MITF: variants seen among roughly 807,000 people sequenced by gnomAD.
MITF encodes the protein microphthalmia-associated transcription factor.
In MITF, 17 loss-of-function variants were observed where a neutral mutation model predicts 60.5. That is an observed-to-expected ratio of 0.28 (90% CI 0.19 to 0.42). The LOEUF (loss-of-function observed/expected upper bound fraction) is 0.42, where lower values mean the gene tolerates loss of function less well. Among genes scored for constraint, MITF ranks in the 10% least tolerant of loss-of-function variants. The pLI is 1.00. For missense variants in MITF, 622 were observed against 683.5 expected (o/e 0.91, Z 1.00); for synonymous variants, 260 against 248.5 (o/e 1.05, Z -0.43).
intron 9 of MITF, among the ~76,000 whole-genome samples, chr3:69,963,116 C>T (rs1465867421): frequency 6.6e-6 from 1 of 152,160 alleles, no homozygotes; most frequent in Non-Finnish European, 1.5e-5. Flanking sequence ...TTTAAAGGCC[C>T]TATCTCCAAA....
chr3:69,949,496 C>T (rs532946088), intron 6 of MITF, among the ~76,000 whole-genome samples: 3 of 152,154 alleles, frequency 2.0e-5, no homozygotes, highest in East Asian at 3.9e-4. Flanking sequence ...TAACTGTCTC[C>T]ACCCTACCTG....
At chr3:69,795,191 T>C (rs2062808263) in intron 1 of MITF, among the ~76,000 whole-genome samples, 1 of 152,218 alleles carries the variant, frequency 6.6e-6, no homozygotes, top group South Asian at 2.1e-4. Flanking sequence ...CTGTTGTAAA[T>C]AGATTTTCTT....
intron 2 of MITF, among the ~76,000 whole-genome samples, chr3:69,927,226 A>G (rs1422880688): frequency 6.6e-6 from 1 of 152,148 alleles, no homozygotes; most frequent in Non-Finnish European, 1.5e-5. Context: ...ATTTACATTA[A>G]TGAACTTTCC....
chr3:69,813,371 A>G (rs1185545012), intron 1 of MITF, among the ~76,000 whole-genome samples: 2 of 152,180 alleles, frequency 1.3e-5, no homozygotes, highest in Non-Finnish European at 2.9e-5. Context: ...CGCTGTTGCA[A>G]TTCTCAGTAC....
At chr3:69,849,264 G>A (rs992170126) in intron 1 of MITF, among the ~76,000 whole-genome samples, 2 of 152,192 alleles carry the variant, frequency 1.3e-5, no homozygotes, top group Non-Finnish European at 2.9e-5. Flanking sequence ...GCGCCCGGCC[G>A]GGCAAAGATT....
At chr3:69,817,637 T>A (rs1266794026) in intron 1 of MITF, among the ~76,000 whole-genome samples, 7 of 152,024 alleles carry the variant, frequency 4.6e-5, no homozygotes, top group Non-Finnish European at 1.0e-4. Flanking sequence ...AGTCTTAAAT[T>A]GAATCCATCA....
intron 1 of MITF, among the ~76,000 whole-genome samples, chr3:69,852,120 T>C (rs745999415): frequency 6.6e-6 from 1 of 152,118 alleles, no homozygotes; most frequent in Non-Finnish European, 1.5e-5. Context: ...AGGAAGATTG[T>C]TAAGAAAGTG....
At chr3:69,952,708 G>A (rs1412718677) in intron 7 of MITF, among the ~76,000 whole-genome samples, 1 of 152,116 alleles carries the variant, frequency 6.6e-6, no homozygotes, top group Non-Finnish European at 1.5e-5. Flanking sequence ...ACCTTTTTCT[G>A]TGTATTAAGA....
chr3:69,756,180 T>G lies in MITF; in HGVS notation c.104+16479T>G, dbSNP rs963141854. Among the ~76,000 whole-genome samples the G allele has an allele frequency of 2.0e-5, 3 of 152,140 alleles. No individual in the cohort carries two copies. The East Asian group carries it at 5.8e-4, about 29-fold the overall frequency. On this transcript the variant is annotated intron_variant, in intron 1 of 9. Transcript: ENST00000352241. ...GTGCAGAATGTGCAGGTTTGTTACA[T>G]AAGTATACATGTGCCATGGTGGTTT...
intron 8 of MITF, among the ~76,000 whole-genome samples, chr3:69,957,743 A>C (rs539358473): frequency 6.6e-6 from 1 of 152,344 alleles, no homozygotes; most frequent in South Asian, 2.1e-4. Context: ...ATGGGGCTGC[A>C]GTGAAAGCCT....
At chr3:69,889,199 A>G (rs1026036773) in intron 2 of MITF, among the ~76,000 whole-genome samples, 2 of 151,880 alleles carry the variant, frequency 1.3e-5, no homozygotes, top group African/African-American at 4.8e-5. Flanking sequence ...CCAGATTCCC[A>G]TTAATGCTAA....
chr3:69,904,165 A>G (rs1220108668), intron 2 of MITF, among the ~76,000 whole-genome samples: 1 of 152,036 alleles, frequency 6.6e-6, no homozygotes, highest in Non-Finnish European at 1.5e-5. Flanking sequence ...TGGGATTTCC[A>G]TTCATTTATT....
chr3:69,867,194 C>G (rs1270439279), intron 1 of MITF, among the ~76,000 whole-genome samples: 1 of 152,044 alleles, frequency 6.6e-6, no homozygotes, highest in Non-Finnish European at 1.5e-5. Context: ...ACTGAACGTT[C>G]CTGGGTCATG....
intron 1 of MITF, among the ~76,000 whole-genome samples, chr3:69,815,577 G>A (rs535273639): frequency 2.0e-4 from 31 of 152,266 alleles, no homozygotes; most frequent in African/African-American, 7.2e-4. Context: ...CACAATAAAT[G>A]TAATATACAA....
At position 69,787,765 on chromosome 3, in the gene MITF, G is replaced by C. The variant is rs187294790; in HGVS notation, c.104+48064G>C. On this transcript the variant is annotated intron_variant, in intron 1 of 9. Transcript: ENST00000352241. ...ATGTTTTAATACATAAAAGATTCCT[G>C]TTTTCACATGGATCTCCTACGTGTC... Among the ~76,000 whole-genome samples the C allele has an allele frequency of 1.0e-3, 158 of 152,086 alleles. 1 individual carries two copies. The highest frequency in any genetic ancestry group is 1.9e-4 in the East Asian group (1 of 5,176).
At chr3:69,875,594 C>T (rs1349462643) in intron 1 of MITF, among the ~76,000 whole-genome samples, 2 of 152,190 alleles carry the variant, frequency 1.3e-5, no homozygotes, top group African/African-American at 2.4e-5. Context: ...AAATTAAATA[C>T]ATTTGGACAT....
chr3:69,739,510 G>A lies in MITF; in HGVS notation c.-88G>A. On this transcript the variant is annotated 5_prime_UTR_variant, in exon 1 of 10. Transcript: ENST00000352241. ...GCTCGGCACTGCGCCGGGGCGCACG[G>A]CTCGGGGGACCCAGGCCCAGCTACC... 1 of 1,260,888 alleles carries A rather than the reference G, an allele frequency of 7.9e-7. No individual in the cohort carries two copies. Among genetic ancestry groups the A allele is most frequent in the East Asian group, 2.5e-5 (1 of 39,480 alleles). 78.1% of individuals were successfully genotyped at this position (1,260,888 alleles called of 1,614,324 possible).
At chr3:69,899,545 A>T (rs2064951818) in intron 2 of MITF, among the ~76,000 whole-genome samples, 1 of 152,178 alleles carries the variant, frequency 6.6e-6, no homozygotes, top group South Asian at 2.1e-4. Flanking sequence ...TTTCTGAACC[A>T]ACATGGGTAC....
At chr3:69,764,542 T>C (rs540736522) in intron 1 of MITF, among the ~76,000 whole-genome samples, 1 of 152,370 alleles carries the variant, frequency 6.6e-6, no homozygotes, top group South Asian at 2.1e-4. Flanking sequence ...TTTTCTGTTA[T>C]ACTTCAAAAA....
Sources: gnomAD v4.1 joint callset for allele counts (sites outside exome capture counted in the v4.1 genomes callset) on GRCh38, gnomAD v4.1.1 for gene constraint, MANE v1.5 for transcripts, NCBI Gene and HGNC (gene_info 2026-07-23, HGNC 2026-07-21) for gene names.